The following ARK2C variants were observed in gnomAD, a reference collection of about 807,000 sequenced individuals.
ARK2C encodes arkadia (RNF111) C-terminal like ring finger ubiquitin ligase 2C, also known as E3 ubiquitin-protein ligase ARK2C.
At chr18:46,452,435 A>G in the ARK2C span, among the ~76,000 whole-genome samples, 1 of 151,998 alleles carries the variant, frequency 6.6e-6, no homozygotes, top group Non-Finnish European at 1.5e-5. Context: ...ATGTGCCACC[A>G]CACCCAGCTA....
At chr18:46,456,221 G>A in the ARK2C span, 3 of 657,650 alleles carry the variant, frequency 4.6e-6, no homozygotes, top group African/African-American at 1.8e-5. Flanking sequence ...CTTCATGGTT[G>A]CCCTGGGAAG....
the ARK2C span, among the ~76,000 whole-genome samples, chr18:46,371,377 G>C: frequency 6.6e-6 from 1 of 152,172 alleles, no homozygotes; most frequent in African/African-American, 2.4e-5. Flanking sequence ...AGGAAGCACA[G>C]CCCAGGCCAG....
At chr18:46,383,143 A>G in the ARK2C span, among the ~76,000 whole-genome samples, 1 of 152,264 alleles carries the variant, frequency 6.6e-6, no homozygotes, top group African/African-American at 2.4e-5. Context: ...TGGTTGGGTC[A>G]GGCAGACATG....
At chr18:46,395,092 T>C in the ARK2C span, among the ~76,000 whole-genome samples, 3 of 152,212 alleles carry the variant, frequency 2.0e-5, no homozygotes, top group South Asian at 4.1e-4. Flanking sequence ...ATGCCTGAAG[T>C]CAACGCTGAC....
chr18:46,448,795 G>T, the ARK2C span, among the ~76,000 whole-genome samples: 1 of 152,204 alleles, frequency 6.6e-6, no homozygotes, highest in Non-Finnish European at 1.5e-5. Context: ...GAATTAAAAT[G>T]AAGATATTCC....
chr18:46,334,884 G>GC, the ARK2C span: 1 of 168,802 alleles, frequency 5.9e-6, no homozygotes, highest in Non-Finnish European at 1.3e-5. The surrounding 1 kb of genome is among the most constrained non-coding windows in gnomAD (Gnocchi z 4.4). Context: ...CCATGCCCCA[G>GC]CCCCCACCCT....
chr18:46,360,665 C>T, the ARK2C span, among the ~76,000 whole-genome samples: 2 of 152,182 alleles, frequency 1.3e-5, no homozygotes, highest in Non-Finnish European at 2.9e-5. Context: ...TCCCTGGGGG[C>T]CAGGGGATGG....
the ARK2C span, among the ~76,000 whole-genome samples, chr18:46,425,164 G>A: frequency 2.3e-4 from 35 of 152,176 alleles, no homozygotes; most frequent in Non-Finnish European, 4.4e-4. Context: ...TGAGCACAGC[G>A]GGAAACCTGA....
chr18:46,403,561 T>A, the ARK2C span, among the ~76,000 whole-genome samples: 2 of 152,190 alleles, frequency 1.3e-5, no homozygotes, highest in Non-Finnish European at 2.9e-5. Flanking sequence ...TGCTTCCGTA[T>A]GCAATGTGTC....
the ARK2C span, among the ~76,000 whole-genome samples, chr18:46,343,888 A>G: frequency 0.61 from 93,437 of 152,174 alleles, 30,668 homozygotes; most frequent in East Asian, 0.89. Context: ...ACCTGGAAGC[A>G]CAGACACAGG....
the ARK2C span, chr18:46,433,250 GC>G: frequency 1.2e-6 from 2 of 1,607,152 alleles, no homozygotes; most frequent in Non-Finnish European, 1.7e-6. Flanking sequence ...TTCCACCTGG[GC>G]CCCCCGCAGC....
chr18:46,407,543 T>C, the ARK2C span, among the ~76,000 whole-genome samples: 1 of 152,082 alleles, frequency 6.6e-6, no homozygotes, highest in African/African-American at 2.4e-5. Flanking sequence ...TAGGCAGAGG[T>C]CTTGTTTAGT....
chr18:46,416,835 T>C, the ARK2C span, among the ~76,000 whole-genome samples: 1 of 152,210 alleles, frequency 6.6e-6, no homozygotes, highest in African/African-American at 2.4e-5. Context: ...AACTGCAAGG[T>C]CTCTTGAGGC....
At chr18:46,394,995 T>C in the ARK2C span, among the ~76,000 whole-genome samples, 1 of 152,208 alleles carries the variant, frequency 6.6e-6, no homozygotes, top group East Asian at 1.9e-4. Context: ...ATGTAGCCTG[T>C]GGAGACAGCT....
At chr18:46,351,488 T>C in the ARK2C span, among the ~76,000 whole-genome samples, 1 of 152,180 alleles carries the variant, frequency 6.6e-6, no homozygotes, top group Admixed American at 6.5e-5. Context: ...TGGTAAGGTT[T>C]GCTAAGGCTG....
At chr18:46,360,319 A>G in the ARK2C span, among the ~76,000 whole-genome samples, 1 of 152,270 alleles carries the variant, frequency 6.6e-6, no homozygotes, top group Non-Finnish European at 1.5e-5. Flanking sequence ...CCAGCCATGG[A>G]GGAACACAGA....
chr18:46,370,639 G>A, the ARK2C span, among the ~76,000 whole-genome samples: 1 of 152,174 alleles, frequency 6.6e-6, no homozygotes, highest in African/African-American at 2.4e-5. Flanking sequence ...GTGTGGGTGA[G>A]GCCTCCCCAG....
At chr18:46,397,814 GGT>G in the ARK2C span, among the ~76,000 whole-genome samples, 8 of 122,804 alleles carry the variant, frequency 6.5e-5, no homozygotes, top group Non-Finnish European at 1.0e-4. Context: ...GTGTGCATGT[GGT>G]GTGTGTGTGT....
At chr18:46,442,820 CTT>C in the ARK2C span, among the ~76,000 whole-genome samples, 9 of 151,966 alleles carry the variant, frequency 5.9e-5, no homozygotes, top group South Asian at 2.1e-4. Context: ...CTTATTTTGA[CTT>C]ATATATATTA....
Sources: gnomAD v4.1 joint callset for allele counts (sites outside exome capture counted in the v4.1 genomes callset) on GRCh38, gnomAD v4.1.1 for gene constraint, Gnocchi (gnomAD v3.1) non-coding constraint, MANE v1.5 for transcripts, NCBI Gene and HGNC (gene_info 2026-07-23, HGNC 2026-07-21) for gene names.